WIPF1: variants seen among roughly 807,000 people sequenced by gnomAD.
WIPF1 encodes WAS/WASL-interacting protein family member 1.
In WIPF1, 13 loss-of-function variants were observed where a neutral mutation model predicts 35.4. That is an observed-to-expected ratio of 0.37 (90% CI 0.24 to 0.58). WIPF1 has a LOEUF of 0.58. Ranked by LOEUF, WIPF1 falls within the 20% of genes least tolerant of loss-of-function variation. The pLI is 0.74. For missense variants in WIPF1, 591 were observed against 667.0 expected (o/e 0.89, Z 1.25); for synonymous variants, 267 against 266.3 (o/e 1.00, Z -0.02).
intron 1 of WIPF1, among the ~76,000 whole-genome samples, chr2:174,659,280 A>G (rs1193798845): frequency 6.6e-6 from 1 of 152,084 alleles, no homozygotes; most frequent in Non-Finnish European, 1.5e-5. Context: ...AGCTCTCAAC[A>G]GCTACTTTCA....
intron 1 of WIPF1, among the ~76,000 whole-genome samples, chr2:174,661,939 A>C (rs1345019381): frequency 6.6e-6 from 1 of 152,110 alleles, no homozygotes; most frequent in Non-Finnish European, 1.5e-5. Context: ...AAATCCCTGG[A>C]AGAAAAGAAC....
At chr2:174,640,528 T>C (rs940507754) in intron 1 of WIPF1, among the ~76,000 whole-genome samples, 1 of 151,706 alleles carries the variant, frequency 6.6e-6, no homozygotes, top group African/African-American at 2.4e-5. Context: ...AAAACTTTGA[T>C]GAAAGAAATT....
At position 174,565,074 on chromosome 2, in the gene WIPF1, T is replaced by C. The variant is rs572116011; in HGVS notation, c.1456+1996A>G. ...CTATGCCCGGCTAATTTTGTATTTTTAGTAGAGACAGGTTTTCTCCATGTT... is the reference window on the plus strand; with the variant it reads ...CTATGCCCGGCTAATTTTGTATTTTCAGTAGAGACAGGTTTTCTCCATGTT... On this transcript the variant is annotated intron_variant, in intron 7 of 7. Transcript: ENST00000679041. 2.2e-3 allele frequency among the ~76,000 whole-genome samples: 336 copies of C among 152,138 alleles called. 1 individual carries two copies. In the Middle Eastern group the frequency reaches 0.034, roughly 15 times the overall value.
intron 1 of WIPF1, among the ~76,000 whole-genome samples, chr2:174,671,920 G>A (rs1486120063): frequency 2.0e-5 from 3 of 152,070 alleles, no homozygotes; most frequent in African/African-American, 4.8e-5. Flanking sequence ...CATTTGCCCT[G>A]TAATATTTTA....
intron 1 of WIPF1, among the ~76,000 whole-genome samples, chr2:174,594,299 C>T (rs934490722): frequency 6.6e-6 from 1 of 152,154 alleles, no homozygotes; most frequent in African/African-American, 2.4e-5. Context: ...TCTCGAACAT[C>T]ACTAAGACTG....
chr2:174,601,573 A>G (rs1686010246), upstream of WIPF1, among the ~76,000 whole-genome samples: 2 of 152,270 alleles, frequency 1.3e-5, no homozygotes, highest in Admixed American at 1.3e-4. Context: ...GAGGAGAGCT[A>G]CAACCACACT....
At chr2:174,624,164 T>C (rs1007090287) in intron 1 of WIPF1, among the ~76,000 whole-genome samples, 1 of 152,202 alleles carries the variant, frequency 6.6e-6, no homozygotes, top group African/African-American at 2.4e-5. Context: ...TAATGAACCT[T>C]TCATCTCCTC....
intron 1 of WIPF1, among the ~76,000 whole-genome samples, chr2:174,604,089 G>T (rs954355461): frequency 6.6e-6 from 1 of 152,156 alleles, no homozygotes; most frequent in East Asian, 1.9e-4. Context: ...CAGTAGCACA[G>T]GTATAGAAGT....
At chr2:174,680,192 C>T (rs1688218901) in intron 1 of WIPF1, among the ~76,000 whole-genome samples, 1 of 152,240 alleles carries the variant, frequency 6.6e-6, no homozygotes, top group South Asian at 2.1e-4. Flanking sequence ...CAGACTTCAT[C>T]TCTTTCTGAG....
At chr2:174,619,558 G>A (rs1686613039) in intron 1 of WIPF1, among the ~76,000 whole-genome samples, 1 of 152,192 alleles carries the variant, frequency 6.6e-6, no homozygotes, top group Admixed American at 6.5e-5. Context: ...AGAAACAGAA[G>A]TATTGGATCA....
intron 1 of WIPF1, among the ~76,000 whole-genome samples, chr2:174,610,115 T>G (rs1686299123): frequency 1.3e-5 from 2 of 152,224 alleles, no homozygotes; most frequent in African/African-American, 4.8e-5. Context: ...ACTTTCGGGT[T>G]GCCTCGATGG....
chr2:174,647,649 T>TAA (rs10716104), intron 1 of WIPF1, among the ~76,000 whole-genome samples: 1 of 141,422 alleles, frequency 7.1e-6, no homozygotes. Context: ...GACCCTGTCT[T>TAA]AAAAAAAAAA....
chr2:174,676,273 T>C (rs1218925774), intron 1 of WIPF1: 1 of 143,162 alleles, frequency 7.0e-6, no homozygotes, highest in Admixed American at 6.9e-5. Context: ...CAGTGTGATA[T>C]CCCTCCCTCC....
At chr2:174,620,914 C>A (rs1222987806) in intron 1 of WIPF1, among the ~76,000 whole-genome samples, 1 of 152,164 alleles carries the variant, frequency 6.6e-6, no homozygotes, top group East Asian at 1.9e-4. Context: ...CTGGAGAAGG[C>A]TGCTGTCACA....
intron 1 of WIPF1, among the ~76,000 whole-genome samples, chr2:174,678,223 T>C (rs941357657): frequency 6.6e-6 from 1 of 152,096 alleles, no homozygotes; most frequent in African/African-American, 2.4e-5. Flanking sequence ...AAGAAGAAAT[T>C]TAGTTATGCT....
intron 7 of WIPF1, among the ~76,000 whole-genome samples, chr2:174,565,311 A>C (rs1335494286): frequency 1.3e-5 from 2 of 152,224 alleles, no homozygotes. Context: ...TTCAGGAATT[A>C]AAGTTTTCCT....
chr2:174,610,927 C>A (rs955918830), intron 1 of WIPF1, among the ~76,000 whole-genome samples: 1 of 152,094 alleles, frequency 6.6e-6, no homozygotes, highest in African/African-American at 2.4e-5. Flanking sequence ...TCTTCTCCAG[C>A]CAAAAGAAAA....
chr2:174,636,830 A>G (rs905552196), intron 1 of WIPF1, among the ~76,000 whole-genome samples: 3 of 152,198 alleles, frequency 2.0e-5, no homozygotes, highest in African/African-American at 7.2e-5. Context: ...ATAAAGTGCC[A>G]TTTTAGTCAC....
chr2:174,572,053 G>A lies in WIPF1; in HGVS notation c.752C>T (p.Pro251Leu). ...GGCCCTGCTGGGGGTAGGCGGCAGGGGAGGCCGGTTGGAGAAGGGCGAGGA... is the reference window on the plus strand; with the variant it reads ...GGCCCTGCTGGGGGTAGGCGGCAGGAGAGGCCGGTTGGAGAAGGGCGAGGA... Reference protein sequence around the residue: ...SSSSPFSNRPPLPPTPSRALD... With the variant: ...SSSSPFSNRPLLPPTPSRALD... The change falls in exon 5 of 8, where the codon CCC (proline) becomes CTC (leucine). Residue 251 changes from proline to leucine, a missense_variant. Transcript: ENST00000679041. 6.4e-7 allele frequency: 1 copy of A among 1,552,702 alleles called. No homozygotes were observed. The highest frequency in any genetic ancestry group is 2.2e-5 in the East Asian group (1 of 44,494).
Sources: allele counts gnomAD v4.1 joint callset (sites outside exome capture counted in the v4.1 genomes callset), GRCh38; gene constraint gnomAD v4.1.1; transcripts MANE v1.5; gene names NCBI Gene and HGNC (gene_info 2026-07-23, HGNC 2026-07-21).